CERS6: variants seen among roughly 807,000 people sequenced by gnomAD.
CERS6 encodes LAG1 homolog, ceramide synthase 6.
CERS6 carries 26 observed loss-of-function variants against 56.8 expected under a neutral mutation model. The observed-to-expected ratio is 0.46, with a 90% CI of 0.34 to 0.63. The LOEUF is 0.63. Among genes scored for constraint, CERS6 ranks in the 30% least tolerant of loss-of-function variants. The pLI is 0.01. For missense variants in CERS6, 415 were observed against 467.5 expected (o/e 0.89, Z 1.04); for synonymous variants, 164 against 173.3 (o/e 0.95, Z 0.42).
chr2:168,760,450 C>T (rs558395764), intron 8 of CERS6, among the ~76,000 whole-genome samples: 1 of 152,226 alleles, frequency 6.6e-6, no homozygotes, highest in South Asian at 2.1e-4. Flanking sequence ...TTCCTCAGCC[C>T]GCTGTCAAAT....
intron 1 of CERS6, among the ~76,000 whole-genome samples, chr2:168,506,635 C>G (rs1694682925): frequency 1.3e-5 from 2 of 152,134 alleles, no homozygotes; most frequent in Non-Finnish European, 2.9e-5. Context: ...GAGTTTTAGA[C>G]TTTTGCTGCT....
chr2:168,653,185 A>T (rs1037479482), intron 4 of CERS6, among the ~76,000 whole-genome samples: 1 of 152,202 alleles, frequency 6.6e-6, no homozygotes, highest in African/African-American at 2.4e-5. Context: ...GTCCCTCCGA[A>T]GAAAAATAGA....
chr2:168,502,299 G>A (rs748206279), intron 1 of CERS6, among the ~76,000 whole-genome samples: 3 of 151,836 alleles, frequency 2.0e-5, no homozygotes, highest in Non-Finnish European at 2.9e-5. Flanking sequence ...ATTTACCTCC[G>A]TCTTTCAGAC....
In CERS6 at chr2:168,573,787, C is replaced by A. The variant is rs534314047; in HGVS notation, c.407+12465C>A. ...AGCAGGAGTAGGTGAGGGGTTGGAG[C>A]AGGCCCCAATAGTAGGAGTGGTTTT... is the stretch of plus-strand genomic sequence containing the variant. On this transcript the variant is annotated intron_variant, in intron 3 of 9. Transcript: ENST00000305747. 1.4e-3 allele frequency among the ~76,000 whole-genome samples: 210 copies of A among 152,216 alleles called. No individual in the cohort carries two copies. In the Middle Eastern group the frequency reaches 0.017, roughly 12 times the overall value.
chr2:168,766,428 C>T (rs898496422), intron 9 of CERS6: 36 of 1,229,616 alleles, frequency 2.9e-5, no homozygotes, highest in African/African-American at 8.9e-5. Context: ...TTTGTTTCCA[C>T]GCATATTGTT....
In CERS6 at chr2:168,456,413, C is replaced by T; in HGVS notation, c.-36C>T. 1 of 1,543,020 alleles carries T rather than the reference C, an allele frequency of 6.5e-7. No homozygotes were observed. The highest frequency in any genetic ancestry group is 1.2e-5 in the South Asian group (1 of 83,764). ...CCTGCGCGGTGGAGAGCTTGGCGGGCTGCGGGTGCCGCAGGACAGGAGTGG... is the reference window on the plus strand; with the variant it reads ...CCTGCGCGGTGGAGAGCTTGGCGGGTTGCGGGTGCCGCAGGACAGGAGTGG... On this transcript the variant is annotated 5_prime_UTR_variant, in exon 1 of 10. Transcript: ENST00000305747. This position sits in a 1 kb window ranked among gnomAD's most constrained non-coding sequence, Gnocchi z 4.1.
At chr2:168,675,791 G>A (rs1210222945) in intron 4 of CERS6, among the ~76,000 whole-genome samples, 2 of 151,682 alleles carry the variant, frequency 1.3e-5, no homozygotes, top group South Asian at 2.1e-4. Context: ...GGTTCAAGCG[G>A]TTCTCTTGCC....
chr2:168,535,283 G>A (rs1280503144), intron 1 of CERS6, among the ~76,000 whole-genome samples: 1 of 152,224 alleles, frequency 6.6e-6, no homozygotes, highest in Non-Finnish European at 1.5e-5. Context: ...CCAGCTGAAG[G>A]GCTATTGAGA....
intron 8 of CERS6, among the ~76,000 whole-genome samples, chr2:168,763,188 T>C (rs1233065726): frequency 1.3e-5 from 2 of 151,670 alleles, no homozygotes; most frequent in Admixed American, 6.6e-5. Flanking sequence ...CCTTTTTTCT[T>C]TTTTCTTTAT....
rs1684924223 is a variant in CERS6, at chr2:168,773,741, A to G, written c.*4079A>G. The G allele has an allele frequency of 6.6e-6, 1 of 152,362 alleles. No homozygotes were observed. Among genetic ancestry groups the G allele is most frequent in the South Asian group, 2.1e-4 (1 of 4,826 alleles). The allele number at this position is 152,362 out of a possible 1,614,324, so 9.4% of individuals were successfully genotyped here. A position where few individuals can be genotyped will look rare whatever the true frequency, so the allele number is the denominator to read the frequency against. On this transcript the variant is annotated 3_prime_UTR_variant, in exon 10 of 10. Coordinates refer to ENST00000305747, the MANE Select transcript of CERS6 (RefSeq NM_203463.3). ...GTGAAGGTTTCTTTTGGTAAAATGA[A>G]ATTGTGCCATTGTCAAAGTACCCCG...
intron 3 of CERS6, among the ~76,000 whole-genome samples, chr2:168,589,616 A>G (rs973658545): frequency 6.6e-6 from 1 of 152,144 alleles, no homozygotes; most frequent in African/African-American, 2.4e-5. Flanking sequence ...TGTTGGGTGT[A>G]TTTCTAGTTT....
intron 3 of CERS6, among the ~76,000 whole-genome samples, chr2:168,586,321 C>T (rs1683541593): frequency 1.3e-5 from 2 of 151,718 alleles, no homozygotes; most frequent in Admixed American, 6.6e-5. Context: ...ACTAAAACAA[C>T]GTTTCTTTCC....
At chr2:168,555,722 C>CTGTATGTGTG (rs1553491464) in intron 2 of CERS6, among the ~76,000 whole-genome samples, 152 of 141,010 alleles carry the variant, frequency 1.1e-3, no homozygotes, top group African/African-American at 4.0e-3. Context: ...ATAATTGACT[C>CTGTATGTGTG]TGTGTGTGTG....
chr2:168,659,720 C>A (rs1685580200), intron 4 of CERS6, among the ~76,000 whole-genome samples: 1 of 151,806 alleles, frequency 6.6e-6, no homozygotes, highest in Non-Finnish European at 1.5e-5. Context: ...TCACCTAAGC[C>A]ATGAACTCTT....
intron 2 of CERS6, among the ~76,000 whole-genome samples, chr2:168,555,728 G>A (rs1216940718): frequency 5.4e-5 from 4 of 74,562 alleles, no homozygotes; most frequent in Admixed American, 3.5e-4. Flanking sequence ...GACTCTGTGT[G>A]TGTGTGTGTG....
intron 4 of CERS6, among the ~76,000 whole-genome samples, chr2:168,656,559 C>A (rs199715239): frequency 6.6e-6 from 1 of 151,468 alleles, no homozygotes; most frequent in East Asian, 1.9e-4. Flanking sequence ...CTTAAGGTAG[C>A]GCGTCTGGAG....
At chr2:168,697,315 G>A (rs1236350159) in intron 6 of CERS6, among the ~76,000 whole-genome samples, 5 of 152,212 alleles carry the variant, frequency 3.3e-5, no homozygotes, top group South Asian at 2.1e-4. Flanking sequence ...CCAACACTCC[G>A]AGTTGGTTTC....
intron 1 of CERS6, among the ~76,000 whole-genome samples, chr2:168,500,048 T>G (rs1694551935): frequency 6.6e-6 from 1 of 152,104 alleles, no homozygotes; most frequent in Admixed American, 6.6e-5. Context: ...AAACATAATC[T>G]GGGGGATCAC....
At chr2:168,613,720 A>T (rs946207997) in intron 3 of CERS6, among the ~76,000 whole-genome samples, 1 of 152,174 alleles carries the variant, frequency 6.6e-6, no homozygotes, top group African/African-American at 2.4e-5. Flanking sequence ...CCATTGTTTC[A>T]TGCTGCTCAT....
Sources: gnomAD v4.1 joint callset for allele counts (sites outside exome capture counted in the v4.1 genomes callset) on GRCh38, gnomAD v4.1.1 for gene constraint, Gnocchi (gnomAD v3.1) non-coding constraint, MANE v1.5 for transcripts, NCBI Gene and HGNC (gene_info 2026-07-23, HGNC 2026-07-21) for gene names.